PRKCE: variants seen among roughly 807,000 people sequenced by gnomAD.
The protein encoded by PRKCE is protein kinase C epsilon.
Under a neutral mutation model 85.4 loss-of-function variants are expected in PRKCE, and 16 were observed. The observed-to-expected ratio is 0.19, with a 90% CI of 0.13 to 0.28. The LOEUF (loss-of-function observed/expected upper bound fraction) is 0.28, where lower values mean the gene tolerates loss of function less well. Among genes scored for constraint, PRKCE ranks in the 10% least tolerant of loss-of-function variants. The probability of loss-of-function intolerance (pLI) is 1.00; values close to 1 mark genes in which losing one functional copy is unlikely to be tolerated. For missense variants in PRKCE, 573 were observed against 975.2 expected, an observed-to-expected ratio of 0.59 and a Z score of 5.49; for synonymous variants, 388 against 371.5, an observed-to-expected ratio of 1.04 and a Z score of -0.51.
intron 1 of PRKCE, among the ~76,000 whole-genome samples, chr2:45,736,317 A>C (rs1287540684): frequency 1.3e-5 from 2 of 152,186 alleles, no homozygotes; most frequent in Non-Finnish European, 2.9e-5. Context: ...GTGAGAGATT[A>C]AGTCACTTGC....
intron 11 of PRKCE, among the ~76,000 whole-genome samples, chr2:46,094,909 A>T (rs929072969): frequency 2.0e-5 from 3 of 151,890 alleles, no homozygotes; most frequent in African/African-American, 7.3e-5. Context: ...TTGAATTCTC[A>T]ATCATTTGTA....
chr2:45,653,331 G>A (rs901208930), intron 1 of PRKCE, among the ~76,000 whole-genome samples: 19 of 136,474 alleles, frequency 1.4e-4, no homozygotes, highest in Non-Finnish European at 2.4e-4. Flanking sequence ...GCAGAGAGAA[G>A]CAAACCTTCA....
intron 2 of PRKCE, among the ~76,000 whole-genome samples, chr2:45,967,895 C>G (rs569301220): frequency 1.3e-5 from 2 of 152,240 alleles, no homozygotes; most frequent in Admixed American, 6.5e-5. Context: ...TCTGCTAATA[C>G]CTCATTCAAC....
intron 1 of PRKCE, among the ~76,000 whole-genome samples, chr2:45,672,064 CAAAA>C (rs3068989): frequency 1.0e-4 from 10 of 95,346 alleles, no homozygotes; most frequent in Admixed American, 3.3e-4. Context: ...CCCCCTGTCT[CAAAA>C]AAAAAAAAAA....
intron 2 of PRKCE, among the ~76,000 whole-genome samples, chr2:45,964,891 C>A (rs182364717): frequency 6.6e-6 from 1 of 152,276 alleles, no homozygotes; most frequent in East Asian, 1.9e-4. Context: ...GTAGTGAACA[C>A]TAGCTGCAGT....
At chr2:46,012,410 T>C (rs1705763004) in intron 10 of PRKCE, among the ~76,000 whole-genome samples, 1 of 152,080 alleles carries the variant, frequency 6.6e-6, no homozygotes, top group South Asian at 2.1e-4. Flanking sequence ...GAGTCAGACC[T>C]GGCATCTCAT....
intron 1 of PRKCE, among the ~76,000 whole-genome samples, chr2:45,825,071 C>G (rs1469211641): frequency 6.6e-6 from 1 of 152,180 alleles, no homozygotes; most frequent in African/African-American, 2.4e-5. Context: ...GCAAATTTGC[C>G]AACTCCACAT....
intron 10 of PRKCE, among the ~76,000 whole-genome samples, chr2:46,028,096 T>G (rs1707255369): frequency 6.6e-6 from 1 of 152,120 alleles, no homozygotes; most frequent in Non-Finnish European, 1.5e-5. Flanking sequence ...CTCCCACCAC[T>G]GCACCCGGCT....
chr2:46,019,847 CTTTT>C (rs869079304), intron 10 of PRKCE, among the ~76,000 whole-genome samples: 1 of 105,914 alleles, frequency 9.4e-6, no homozygotes, highest in African/African-American at 3.9e-5. Context: ...TTGGTTTTCT[CTTTT>C]TTTTTTTTTT....
chr2:45,714,961 C>T (rs1353108250), intron 1 of PRKCE, among the ~76,000 whole-genome samples: 1 of 152,218 alleles, frequency 6.6e-6, no homozygotes, highest in Non-Finnish European at 1.5e-5. Context: ...AGGTGTTTCA[C>T]CTCTTGGCCT....
chr2:46,102,488 T>C lies in PRKCE; in HGVS notation c.1592+16126T>C, dbSNP rs560877973. ...ACACACCCTACACCAGGTTCCCCTATTAATGAACTAATACTGACACATTAT... is the reference window on the plus strand; with the variant it reads ...ACACACCCTACACCAGGTTCCCCTACTAATGAACTAATACTGACACATTAT... On this transcript the variant is annotated intron_variant, in intron 11 of 14. Transcript: ENST00000306156. 4.6e-5 allele frequency among the ~76,000 whole-genome samples: 7 copies of C among 152,346 alleles called. No homozygotes were observed. The South Asian group carries it at 1.5e-3, about 32-fold the overall frequency.
At chr2:45,756,636 C>T (rs1257120456) in intron 1 of PRKCE, among the ~76,000 whole-genome samples, 1 of 152,060 alleles carries the variant, frequency 6.6e-6, no homozygotes, top group Admixed American at 6.5e-5. Context: ...TATATCTATA[C>T]AATGGATACT....
In PRKCE at chr2:46,176,658, G is replaced by C. The variant is rs147831348; in HGVS notation, c.2068-8077G>C. 3.8e-3 allele frequency among the ~76,000 whole-genome samples: 582 copies of C among 152,272 alleles called. 6 individuals carry two copies. Among genetic ancestry groups the C allele is most frequent in the African/African-American group, 0.013 (545 of 41,558 alleles). The stretch of plus-strand genomic sequence containing the variant: ...GTATCTTTATTCCAGCAAAGCAACT[G>C]AGCAAAATGAAAACAGTGACCATGG... On this transcript the variant is annotated intron_variant, in intron 14 of 14. Transcript: ENST00000306156.
chr2:45,836,252 GA>G (rs1343170172), intron 1 of PRKCE, among the ~76,000 whole-genome samples: 2 of 152,196 alleles, frequency 1.3e-5, no homozygotes, highest in African/African-American at 4.8e-5. Flanking sequence ...AGCTGTTTGA[GA>G]AAAACGATCT....
chr2:46,020,880 C>G (rs1706593725), intron 10 of PRKCE, among the ~76,000 whole-genome samples: 1 of 152,222 alleles, frequency 6.6e-6, no homozygotes, highest in South Asian at 2.1e-4. Flanking sequence ...TGTGGCAAGC[C>G]TATCCAAGTT....
intron 1 of PRKCE, among the ~76,000 whole-genome samples, chr2:45,798,576 T>C (rs1384182381): frequency 3.9e-5 from 6 of 152,196 alleles, no homozygotes; most frequent in South Asian, 4.1e-4. Flanking sequence ...AATGACAAAA[T>C]TTAAAAAGTG....
At chr2:45,867,881 T>C (rs1208460572) in intron 2 of PRKCE, among the ~76,000 whole-genome samples, 1 of 152,196 alleles carries the variant, frequency 6.6e-6, no homozygotes, top group Non-Finnish European at 1.5e-5. Context: ...ACCTCATCAC[T>C]TCTGCAGGAC....
chr2:45,963,754 C>G (rs1008792794), intron 2 of PRKCE, among the ~76,000 whole-genome samples: 1 of 152,210 alleles, frequency 6.6e-6, no homozygotes, highest in Non-Finnish European at 1.5e-5. Context: ...GGTCAGCATT[C>G]TGGGCGCCCT....
intron 11 of PRKCE, among the ~76,000 whole-genome samples, chr2:46,088,105 T>C (rs1487485657): frequency 6.6e-6 from 1 of 152,118 alleles, no homozygotes; most frequent in Non-Finnish European, 1.5e-5. Flanking sequence ...CCATATTCTG[T>C]TGGTTAGAGG....
Sources: gnomAD v4.1 joint callset for allele counts (sites outside exome capture counted in the v4.1 genomes callset) on GRCh38, gnomAD v4.1.1 for gene constraint, MANE v1.5 for transcripts, NCBI Gene and HGNC (gene_info 2026-07-23, HGNC 2026-07-21) for gene names.